Variants in SORL1 observed in about 807,000 individuals in gnomAD.
SORL1 encodes the protein sortilin-related receptor.
Under a neutral mutation model 273.7 loss-of-function variants are expected in SORL1, and 127 were observed. The observed-to-expected ratio is 0.46, with a 90% CI of 0.40 to 0.54. The LOEUF is 0.54. Among genes scored for constraint, SORL1 ranks in the 20% least tolerant of loss-of-function variants. SORL1 has a pLI of 0.00. For missense variants in SORL1, 2,494 were observed against 2,846.1 expected (o/e 0.88, Z 2.81); for synonymous variants, 1,031 against 1,067.4 (o/e 0.97, Z 0.66).
intron 3 of SORL1, among the ~76,000 whole-genome samples, chr11:121,483,394 C>A (rs907919974): frequency 1.3e-5 from 2 of 152,236 alleles, no homozygotes; most frequent in African/African-American, 4.8e-5. Flanking sequence ...GATGTTCCTT[C>A]ATTGCCTTCT....
At chr11:121,482,170 TG>T (rs1555051235) in intron 3 of SORL1, among the ~76,000 whole-genome samples, 1 of 152,152 alleles carries the variant, frequency 6.6e-6, no homozygotes, top group Non-Finnish European at 1.5e-5. Flanking sequence ...GGCAGAGGAC[TG>T]GGGCTTTGGA....
Position 121,619,891 on chromosome 11 carries a change from C to G in SORL1, c.5863C>G (p.Pro1955Ala). The part of the protein sequence containing the change: ...KTSVVIKWES[P>A]YDSPDQDLLY... ...CTCCGTGGTCATCAAGTGGGAATCACCGTATGACTCTCCTGACCAGGACTT... is the reference window on the plus strand; with the variant it reads ...CTCCGTGGTCATCAAGTGGGAATCAGCGTATGACTCTCCTGACCAGGACTT... Residue 1955 changes from proline to alanine, a missense_variant, in exon 43 of 48, where the codon CCG becomes GCG. Pro to Ala is a conservative substitution (Grantham distance 27, BLOSUM62 -1). This residue lies in a region of SORL1 where 1,609 missense variants were observed against 1,816.4 expected (regional missense o/e 0.89). Coordinates refer to ENST00000260197, the MANE Select transcript of SORL1 (RefSeq NM_003105.6). The G allele has an allele frequency of 6.2e-7, 1 of 1,614,018 alleles. No homozygotes were observed. Among genetic ancestry groups the G allele is most frequent in the Non-Finnish European group, 8.5e-7 (1 of 1,179,990 alleles).
chr11:121,590,824 T>C (rs1337043615), intron 30 of SORL1, 177 bp from the exon 31 acceptor site: 3 of 783,026 alleles, frequency 3.8e-6, no homozygotes, highest in Non-Finnish European at 7.0e-6. Context: ...TTGCCTCTTC[T>C]GACAACCCAT....
At chr11:121,470,655 A>G (rs1227839047) in intron 2 of SORL1, among the ~76,000 whole-genome samples, 1 of 152,018 alleles carries the variant, frequency 6.6e-6, no homozygotes, top group Non-Finnish European at 1.5e-5. Context: ...GAGTGAAGCC[A>G]CCTTCAAGTT....
chr11:121,514,342 TCTC>T, intron 8 of SORL1, 21 bp downstream of exon 8: 1 of 1,599,348 alleles, frequency 6.3e-7, no homozygotes, highest in South Asian at 1.1e-5. Flanking sequence ...TGTGAGTCCT[TCTC>T]CTGCCTTCTT....
chr11:121,532,674 G>C, intron 12 of SORL1, 122 bp downstream of exon 12: 1 of 779,362 alleles, frequency 1.3e-6, no homozygotes, highest in Non-Finnish European at 2.1e-6. Flanking sequence ...GTGATCTCTG[G>C]ATATGAGTTA....
At chr11:121,532,646 T>C in intron 12 of SORL1, 94 bp downstream of exon 12, 2 of 1,038,224 alleles carry the variant, frequency 1.9e-6, no homozygotes, top group Non-Finnish European at 2.9e-6. Flanking sequence ...TAGCACTATG[T>C]TGTTGACAGC....
chr11:121,494,233 T>C (rs566367570), intron 5 of SORL1, among the ~76,000 whole-genome samples: 1 of 152,328 alleles, frequency 6.6e-6, no homozygotes, highest in Non-Finnish European at 1.5e-5. Flanking sequence ...AAAGGACTGG[T>C]TTATCTCATT....
chr11:121,544,719 C>T (rs886365626), intron 13 of SORL1, among the ~76,000 whole-genome samples: 2 of 152,180 alleles, frequency 1.3e-5, no homozygotes, highest in African/African-American at 4.8e-5. Flanking sequence ...TTTCGATGAA[C>T]GTGGCAGATG....
chr11:121,491,023 T>G (rs1861545424), intron 5 of SORL1, among the ~76,000 whole-genome samples: 1 of 125,206 alleles, frequency 8.0e-6, no homozygotes, highest in African/African-American at 3.0e-5. Context: ...ATCCAGGATG[T>G]GCACAACAGG....
At chr11:121,477,185 T>A (rs1315913287) in intron 2 of SORL1, among the ~76,000 whole-genome samples, 54 of 152,168 alleles carry the variant, frequency 3.5e-4, no homozygotes, top group Admixed American at 3.5e-3. Context: ...TCAGGCTTGT[T>A]TTTAACCCCG....
Position 121,606,944 on chromosome 11 carries a change from T to C in SORL1, c.5048T>C (p.Ile1683Thr). The change falls in exon 36 of 48, where the codon ATC becomes ACC. Residue 1683 changes from isoleucine (I) to threonine (T), a missense_variant. Transcript: ENST00000260197. ...WAPPIHTHGL[I>T]REYIVEYSRS... is the part of the protein sequence containing the mutation. ...CCTCCCATCCACACCCATGGCCTCA[T>C]CCGTGAGTACATTGTAAGTACCTTC... 6.2e-7 allele frequency: 1 copy of C among 1,610,992 alleles called. No homozygotes were observed. The highest frequency in any genetic ancestry group is 1.1e-5 in the South Asian group (1 of 91,016).
chr11:121,461,420 C>T (rs571087083), intron 1 of SORL1, among the ~76,000 whole-genome samples: 22 of 152,160 alleles, frequency 1.4e-4, no homozygotes, highest in Non-Finnish European at 1.6e-4. Context: ...GGGACGTCCG[C>T]CTGTTGCCTC....
At chr11:121,586,790 C>G (rs1374489223) in intron 27 of SORL1, among the ~76,000 whole-genome samples, 1 of 151,122 alleles carries the variant, frequency 6.6e-6, no homozygotes, top group Non-Finnish European at 1.5e-5. Flanking sequence ...GTCACTGGTG[C>G]TCATCCTTGA....
At chr11:121,467,030 CTTTTTTT>C (rs58596501) in intron 1 of SORL1, among the ~76,000 whole-genome samples, 12 of 125,306 alleles carry the variant, frequency 9.6e-5, no homozygotes, top group Non-Finnish European at 1.3e-4. Flanking sequence ...TTCTTTTTTT[CTTTTTTT>C]TTTTTTTTTT....
intron 9 of SORL1, 57 bp from the exon 10 acceptor site, chr11:121,522,529 A>G (rs1395659736): frequency 7.7e-7 from 1 of 1,306,412 alleles, no homozygotes; most frequent in African/African-American, 1.5e-5. Flanking sequence ...CAGGGTTTAC[A>G]GGGAACGCTA....
intron 40 of SORL1, 68 bp downstream of exon 40, chr11:121,612,900 T>C: frequency 8.7e-7 from 1 of 1,155,760 alleles, no homozygotes; most frequent in South Asian, 1.3e-5. Flanking sequence ...TTTCCCGCTG[T>C]AGAGCTTGAC....
chr11:121,585,860 T>A (rs1039348700), intron 26 of SORL1, among the ~76,000 whole-genome samples: 27 of 152,350 alleles, frequency 1.8e-4, no homozygotes, highest in African/African-American at 6.5e-4. Context: ...TACAGTAATT[T>A]ATTAAACAGT....
chr11:121,548,014 TA>T (rs1862459185), intron 14 of SORL1, among the ~76,000 whole-genome samples: 1 of 152,226 alleles, frequency 6.6e-6, no homozygotes, highest in Non-Finnish European at 1.5e-5. Flanking sequence ...TTTATGTTCT[TA>T]TATTTCTCGA....
Sources: allele counts gnomAD v4.1 joint callset (sites outside exome capture counted in the v4.1 genomes callset), GRCh38; gene constraint gnomAD v4.1.1; regional missense constraint gnomAD v4.1.1; transcripts MANE v1.5; gene names NCBI Gene and HGNC (gene_info 2026-07-23, HGNC 2026-07-21).